Variants in PCDHA3 observed in about 807,000 individuals in gnomAD.
PCDHA3 encodes protocadherin alpha-3.
Under a neutral mutation model 62.2 loss-of-function variants are expected in PCDHA3, and 41 were observed. That is an observed-to-expected ratio of 0.66 (90% CI 0.51 to 0.86). The LOEUF is 0.86. Among genes scored for constraint, PCDHA3 ranks in the 40% least tolerant of loss-of-function variants. PCDHA3 has a pLI of 0.00. For synonymous variants in PCDHA3, 640 were observed against 555.4 expected, an observed-to-expected ratio of 1.15 and a Z score of -2.14; for missense variants, 1,304 against 1,241.2, an observed-to-expected ratio of 1.05 and a Z score of -0.76.
At position 140,993,185 on chromosome 5, in the gene PCDHA3, G is replaced by A. The variant is rs1393686590; in HGVS notation, c.2542+10622G>A. Among the ~76,000 whole-genome samples, 5 of 152,162 alleles carry A rather than the reference G, an allele frequency of 3.3e-5. No homozygotes were observed. The South Asian group carries it at 8.3e-4, about 25-fold the overall frequency. The stretch of plus-strand genomic sequence containing the variant: ...TTGCCTTTGGGAAATTTCTTTAGAG[G>A]GAAACTCACTAAAGCTAATTTTTTT... On this transcript the variant is annotated intron_variant, in intron 3 of 3. Transcript: ENST00000522353.
intron 1 of PCDHA3, chr5:140,967,271 A>T (rs1007708043): frequency 6.2e-7 from 1 of 1,613,338 alleles, no homozygotes; most frequent in African/African-American, 1.3e-5. Context: ...GCGCTTTCAC[A>T]TAGAGAGTGC....
chr5:140,879,100 T>C (rs2057854721), intron 1 of PCDHA3, among the ~76,000 whole-genome samples: 1 of 152,190 alleles, frequency 6.6e-6, no homozygotes, highest in African/African-American at 2.4e-5. Context: ...CTGCACAGTA[T>C]ATGGTGTAAT....
chr5:140,875,033 T>G (rs1377177254), intron 1 of PCDHA3, among the ~76,000 whole-genome samples: 1 of 152,236 alleles, frequency 6.6e-6, no homozygotes, highest in Non-Finnish European at 1.5e-5. Context: ...CTACTGTATT[T>G]GAAAGATTTC....
chr5:140,966,240 G>A (rs1372436745), intron 1 of PCDHA3: 3 of 306,008 alleles, frequency 9.8e-6, no homozygotes, highest in Non-Finnish European at 1.8e-5. Flanking sequence ...GACCCGTTAA[G>A]CAGGGGAGAG....
rs2150247452 is a variant in PCDHA3, at chr5:140,835,884, G to C, written c.2394+32293G>C. ...CTCGCTGGTGGAGCTGCGGGTGGGC[G>C]AGCGCGCGCTGTCGAGCTACGTGTC... On this transcript the variant is annotated intron_variant, in intron 1 of 3. Coordinates refer to ENST00000522353, the MANE Select transcript of PCDHA3 (RefSeq NM_018906.3). 57 of 1,611,848 alleles carry C rather than the reference G, an allele frequency of 3.5e-5. No individual in the cohort carries two copies. The highest frequency in any genetic ancestry group is 3.3e-5 in the Non-Finnish European group (39 of 1,179,644).
At chr5:140,878,577 G>A (rs1228813773) in intron 1 of PCDHA3, among the ~76,000 whole-genome samples, 2 of 152,122 alleles carry the variant, frequency 1.3e-5, no homozygotes, top group African/African-American at 2.4e-5. Context: ...GTATACCACT[G>A]CCCTGTGCCT....
At position 140,802,357 on chromosome 5, in the gene PCDHA3, G is replaced by T. The variant is rs782400027; in HGVS notation, c.1160G>T (p.Cys387Phe). ...TCAGGAGTCAATGGACAGGTCACCT[G>T]CTCGCTGACGCCCCACGTCCCCTTC... ...RDSGVNGQVTCSLTPHVPFKL... is the reference protein window; with the variant it reads ...RDSGVNGQVTFSLTPHVPFKL... The change falls in exon 1 of 4, where the codon TGC becomes TTC. Residue 387 changes from cysteine (C) to phenylalanine (F), a missense_variant. By Grantham distance (205) the Cys-to-Phe change is radical. Coordinates refer to ENST00000522353, the MANE Select transcript of PCDHA3 (RefSeq NM_018906.3). 14 of 1,614,146 alleles carry T rather than the reference G, an allele frequency of 8.7e-6. No individual in the cohort carries two copies. Among genetic ancestry groups the T allele is most frequent in the Non-Finnish European group, 1.1e-5 (13 of 1,180,052 alleles).
rs782567661 is a variant in PCDHA3 at position 140,801,653 on chromosome 5, T to C, written c.456T>C (p.Phe152=). The change falls in exon 1 of 4, where the codon TTT becomes TTC. Residue 152 remains phenylalanine, a synonymous_variant. Transcript: ENST00000522353. ...ISESRQPGSR[F]SLEGASDADI... is the part of the protein sequence containing the mutation. ...AATCCCGACAGCCTGGCTCTCGGTT[T>C]TCGCTAGAGGGCGCATCAGATGCAG... is the stretch of plus-strand genomic sequence containing the variant. The C allele has an allele frequency of 1.2e-6, 2 of 1,614,190 alleles. No homozygotes were observed. The highest frequency in any genetic ancestry group is 1.7e-6 in the Non-Finnish European group (2 of 1,180,032).
chr5:140,832,937 G>A (rs1470692327), intron 1 of PCDHA3, among the ~76,000 whole-genome samples: 1 of 152,104 alleles, frequency 6.6e-6, no homozygotes, highest in African/African-American at 2.4e-5. Flanking sequence ...TGAGAAGAGA[G>A]TAACTTAAGT....
At chr5:140,848,356 A>G in intron 1 of PCDHA3, 1 of 1,038,310 alleles carries the variant, frequency 9.6e-7, no homozygotes, top group Non-Finnish European at 1.4e-6. Context: ...CCCTTTTCCC[A>G]TGGGAAAGAG....
intron 1 of PCDHA3, chr5:140,810,575 G>A (rs1292598382): frequency 6.6e-6 from 1 of 152,176 alleles, no homozygotes; most frequent in Non-Finnish European, 1.5e-5. Flanking sequence ...AAATGAAGTT[G>A]AGTACCTTTC....
At position 140,850,562 on chromosome 5, in the gene PCDHA3, C is replaced by G. The variant is rs2150489447; in HGVS notation, c.2394+46971C>G. On this transcript the variant is annotated intron_variant, in intron 1 of 3. Transcript: ENST00000522353. Reference sequence around the variant, plus strand: ...GGGCGTCAGTGGGTGCCACGGGCCCCGAGGTGACGCTGGTGGATGTCAACG... The same window carrying G: ...GGGCGTCAGTGGGTGCCACGGGCCCGGAGGTGACGCTGGTGGATGTCAACG... 18 of 1,598,196 alleles carry G rather than the reference C, an allele frequency of 1.1e-5. 1 individual carries two copies. Among genetic ancestry groups the G allele is most frequent in the Admixed American group, 8.4e-5 (5 of 59,298 alleles).
chr5:140,841,449 C>T (rs2150315739), intron 1 of PCDHA3: 8 of 1,612,922 alleles, frequency 5.0e-6, no homozygotes, highest in South Asian at 1.1e-5. Context: ...AAACACGGCA[C>T]CTTCGTGGGC....
chr5:140,823,895 C>G, intron 1 of PCDHA3: 1 of 1,613,974 alleles, frequency 6.2e-7, no homozygotes, highest in Non-Finnish European at 8.5e-7. Flanking sequence ...TGTGCGGTGT[C>G]CAGCCTGCTG....
intron 1 of PCDHA3, among the ~76,000 whole-genome samples, chr5:140,838,280 A>ATTTTTTTT (rs34299325): frequency 2.9e-5 from 4 of 139,572 alleles, no homozygotes; most frequent in African/African-American, 8.2e-5. Flanking sequence ...AGCCATGCTA[A>ATTTTTTTT]TTTTTTTTTT....
intron 1 of PCDHA3, chr5:140,834,404 C>T (rs17844304): frequency 3.7e-6 from 6 of 1,606,068 alleles, no homozygotes; most frequent in South Asian, 3.3e-5. Flanking sequence ...CGAATGGATA[C>T]GACCCAGGGG....
intron 1 of PCDHA3, chr5:140,804,899 T>G: frequency 1.3e-6 from 1 of 770,384 alleles, no homozygotes; most frequent in Non-Finnish European, 1.9e-6. Context: ...TCCCCTCACT[T>G]CCATTTTCTT....
At chr5:140,861,662 G>A (rs1396410741) in intron 1 of PCDHA3, 1 of 264,436 alleles carries the variant, frequency 3.8e-6, no homozygotes, top group East Asian at 9.8e-5. Flanking sequence ...TGAAACGAGA[G>A]CTCTTGATTA....
chr5:140,880,889 G>T (rs1554171573), intron 1 of PCDHA3, among the ~76,000 whole-genome samples: 1 of 152,130 alleles, frequency 6.6e-6, no homozygotes, highest in Admixed American at 6.6e-5. Context: ...GAAATGTAGG[G>T]CCAGATAGAA....
Sources: allele counts gnomAD v4.1 joint callset (sites outside exome capture counted in the v4.1 genomes callset), GRCh38; gene constraint gnomAD v4.1.1; transcripts MANE v1.5; gene names NCBI Gene and HGNC (gene_info 2026-07-23, HGNC 2026-07-21).